The following NKAIN2 variants were observed in gnomAD, a reference collection of about 807,000 sequenced individuals.
NKAIN2 encodes sodium/potassium-transporting ATPase subunit beta-1-interacting protein 2.
NKAIN2 carries 14 observed loss-of-function variants against 32.6 expected under a neutral mutation model. The observed-to-expected ratio is 0.43, with a 90% confidence interval of 0.28 to 0.67. The LOEUF (loss-of-function observed/expected upper bound fraction) is 0.67. NKAIN2 is among the 30% of genes least tolerant of loss of function. NKAIN2 has a pLI of 0.17. For synonymous variants in NKAIN2, 80 were observed against 87.2 expected (o/e 0.92, Z 0.46); for missense variants, 198 against 258.3 (o/e 0.77, Z 1.60).
chr6:124,308,733 T>C (rs1796608942), intron 2 of NKAIN2, among the ~76,000 whole-genome samples: 1 of 152,176 alleles, frequency 6.6e-6, no homozygotes, highest in African/African-American at 2.4e-5. Context: ...TTCATTTCCC[T>C]TCTTAAGTAT....
chr6:124,275,231 T>C (rs963048270), intron 1 of NKAIN2, among the ~76,000 whole-genome samples: 57 of 152,262 alleles, frequency 3.7e-4, no homozygotes, highest in African/African-American at 1.3e-3. Context: ...GGGATTATTA[T>C]ACAAAATAGT....
At chr6:123,903,202 G>C (rs538916638) in intron 1 of NKAIN2, among the ~76,000 whole-genome samples, 1 of 152,322 alleles carries the variant, frequency 6.6e-6, no homozygotes, top group African/African-American at 2.4e-5. Context: ...CGAAACCTTT[G>C]CCATATTAGC....
intron 3 of NKAIN2, among the ~76,000 whole-genome samples, chr6:124,551,339 A>G (rs1780279612): frequency 6.6e-6 from 1 of 152,204 alleles, no homozygotes; most frequent in Non-Finnish European, 1.5e-5. Flanking sequence ...AGAAATGTAG[A>G]GAACTTGTAG....
intron 3 of NKAIN2, among the ~76,000 whole-genome samples, chr6:124,523,130 G>T (rs1316918176): frequency 4.8e-5 from 1 of 20,724 alleles, no homozygotes; most frequent in Non-Finnish European, 1.0e-3. Flanking sequence ...GCGACAGAGC[G>T]AGACTCCGTC....
intron 1 of NKAIN2, among the ~76,000 whole-genome samples, chr6:123,880,651 G>A (rs1773410304): frequency 6.6e-6 from 1 of 152,110 alleles, no homozygotes; most frequent in East Asian, 1.9e-4. Context: ...ATGTATTATT[G>A]CCTTTATTTT....
intron 3 of NKAIN2, among the ~76,000 whole-genome samples, chr6:124,517,919 G>C (rs1778975360): frequency 6.6e-6 from 1 of 151,968 alleles, no homozygotes; most frequent in Non-Finnish European, 1.5e-5. Flanking sequence ...CATTTGATTT[G>C]AAGTAATTTA....
intron 1 of NKAIN2, among the ~76,000 whole-genome samples, chr6:123,891,421 G>A (rs1338697458): frequency 3.3e-5 from 5 of 152,142 alleles, no homozygotes; most frequent in Non-Finnish European, 7.4e-5. Context: ...TTGGAAATAA[G>A]ATACAAGAAT....
intron 1 of NKAIN2, among the ~76,000 whole-genome samples, chr6:124,167,207 G>T (rs866850774): frequency 1.3e-3 from 201 of 150,532 alleles, no homozygotes; most frequent in African/African-American, 4.6e-3. Flanking sequence ...GCAGTGGTTT[G>T]TAGTTCTCCT....
chr6:124,596,484 C>G (rs1782092141), intron 3 of NKAIN2, among the ~76,000 whole-genome samples: 1 of 152,172 alleles, frequency 6.6e-6, no homozygotes. Flanking sequence ...AGCAGAATAG[C>G]TTGAGATCTC....
intron 1 of NKAIN2, among the ~76,000 whole-genome samples, chr6:123,839,227 C>CA (rs1200980541): frequency 0.012 from 1,152 of 95,550 alleles, 3 homozygotes; most frequent in Middle Eastern, 0.017. Context: ...CTAAACACTC[C>CA]AAAAAAAAAA....
chr6:124,260,258 C>A (rs985306277), intron 1 of NKAIN2, among the ~76,000 whole-genome samples: 1 of 152,064 alleles, frequency 6.6e-6, no homozygotes, highest in Non-Finnish European at 1.5e-5. Flanking sequence ...GAGCTTACAT[C>A]CTAGTGGGGA....
chr6:124,526,515 G>A (rs575661715), intron 3 of NKAIN2, among the ~76,000 whole-genome samples: 3 of 152,058 alleles, frequency 2.0e-5, no homozygotes, highest in Non-Finnish European at 4.4e-5. Context: ...CCCACCCTCA[G>A]ATAGAAAGAT....
intron 3 of NKAIN2, among the ~76,000 whole-genome samples, chr6:124,460,582 A>G (rs1479983473): frequency 6.6e-6 from 1 of 151,778 alleles, no homozygotes; most frequent in African/African-American, 2.4e-5. Context: ...ATTATTGCTG[A>G]TGATAAACCT....
chr6:124,419,588 A>G (rs573745898), intron 3 of NKAIN2, among the ~76,000 whole-genome samples: 81 of 152,286 alleles, frequency 5.3e-4, no homozygotes, highest in Middle Eastern at 3.4e-3. Context: ...CTATCTTTCT[A>G]TGATCCAAAT....
chr6:124,249,623 G>GCACA (rs138068876), intron 1 of NKAIN2, among the ~76,000 whole-genome samples: 2 of 151,518 alleles, frequency 1.3e-5, no homozygotes, highest in Admixed American at 6.6e-5. Flanking sequence ...TTTGGGGCCA[G>GCACA]CACACACACA....
intron 1 of NKAIN2, among the ~76,000 whole-genome samples, chr6:124,083,952 T>C (rs542403633): frequency 6.6e-6 from 1 of 152,050 alleles, no homozygotes; most frequent in Admixed American, 6.6e-5. Flanking sequence ...TGACTCACAA[T>C]ATATAACAAG....
intron 2 of NKAIN2, among the ~76,000 whole-genome samples, chr6:124,311,258 C>T (rs1232677937): frequency 6.6e-6 from 1 of 151,914 alleles, no homozygotes; most frequent in African/African-American, 2.4e-5. Flanking sequence ...ACTGAGAAGC[C>T]CTAATTTTGG....
intron 4 of NKAIN2, among the ~76,000 whole-genome samples, chr6:124,782,661 C>T (rs764113496): frequency 6.6e-6 from 1 of 152,044 alleles, no homozygotes; most frequent in Non-Finnish European, 1.5e-5. Flanking sequence ...GTTAATTTTG[C>T]TATTGGTACC....
At chr6:123,961,777 G>A (rs1440275459) in intron 1 of NKAIN2, among the ~76,000 whole-genome samples, 4 of 152,038 alleles carry the variant, frequency 2.6e-5, no homozygotes, top group East Asian at 1.9e-4. Context: ...AACTTCTTAC[G>A]TTGTTAATGT....
Sources: allele counts gnomAD v4.1 joint callset (sites outside exome capture counted in the v4.1 genomes callset), GRCh38; gene constraint gnomAD v4.1.1; transcripts MANE v1.5; gene names NCBI Gene and HGNC (gene_info 2026-07-23, HGNC 2026-07-21).